RNLS: variants seen among roughly 807,000 people sequenced by gnomAD.
RNLS encodes the protein renalase.
A neutral mutation model predicts 39.8 loss-of-function variants in RNLS; 39 were observed. The ratio of observed to expected loss-of-function variants is 0.98; its 90% CI spans 0.76 to 1.28. The LOEUF (loss-of-function observed/expected upper bound fraction) is 1.28. Among genes scored for constraint, RNLS ranks in the 50% most tolerant of loss-of-function variants. The pLI is 0.00. For missense variants in RNLS, 410 were observed against 413.3 expected, an observed-to-expected ratio of 0.99 and a Z score of 0.07; for synonymous variants, 147 against 150.7, an observed-to-expected ratio of 0.98 and a Z score of 0.18.
chr10:88,203,869 ATATTAC>A, the RNLS span, among the ~76,000 whole-genome samples: 3 of 152,072 alleles, frequency 2.0e-5, no homozygotes, highest in East Asian at 3.8e-4. Flanking sequence ...ATCTATACTA[ATATTAC>A]TATTATCCAG....
At chr10:88,364,353 A>G (rs1450106238) in intron 4 of RNLS, among the ~76,000 whole-genome samples, 1 of 152,184 alleles carries the variant, frequency 6.6e-6, no homozygotes, top group African/African-American at 2.4e-5. Flanking sequence ...ATAAATTATT[A>G]TAGCACAGTA....
intron 6 of RNLS, 100 bp from the exon 7 acceptor site, chr10:88,285,606 A>G: frequency 9.9e-7 from 1 of 1,008,198 alleles, no homozygotes; most frequent in Non-Finnish European, 1.5e-6. Context: ...GGAGAAATCA[A>G]GATTTCTCAC....
the RNLS span, among the ~76,000 whole-genome samples, chr10:88,193,246 G>A: frequency 3.9e-5 from 6 of 152,274 alleles, no homozygotes; most frequent in East Asian, 1.9e-4. Flanking sequence ...CCCACAGAGC[G>A]AGTGTGTGCC....
intron 6 of RNLS, among the ~76,000 whole-genome samples, chr10:88,313,322 T>C (rs1389684649): frequency 6.6e-6 from 1 of 152,228 alleles, no homozygotes; most frequent in Admixed American, 6.5e-5. Flanking sequence ...GTGTAATATA[T>C]CTAGCTTCAA....
intron 4 of RNLS, among the ~76,000 whole-genome samples, chr10:88,408,755 A>G (rs1853459750): frequency 6.6e-6 from 1 of 152,072 alleles, no homozygotes; most frequent in African/African-American, 2.4e-5. Context: ...TTTCTCTATG[A>G]AAAGTTTGAT....
chr10:88,344,827 G>C (rs1848200981), intron 5 of RNLS, among the ~76,000 whole-genome samples: 1 of 152,032 alleles, frequency 6.6e-6, no homozygotes, highest in Admixed American at 6.6e-5. Context: ...TTATACTAAA[G>C]AATTCCCCTA....
intron 4 of RNLS, among the ~76,000 whole-genome samples, chr10:88,468,011 T>C (rs1226748574): frequency 6.6e-6 from 1 of 152,194 alleles, no homozygotes; most frequent in Non-Finnish European, 1.5e-5. Flanking sequence ...AAATACCCAC[T>C]GAAAATATGA....
the RNLS span, among the ~76,000 whole-genome samples, chr10:88,175,450 C>T: frequency 4.2e-4 from 64 of 152,142 alleles, no homozygotes; most frequent in Non-Finnish European, 1.8e-4. Flanking sequence ...TGTTTCTATT[C>T]TCATTGTTTC....
At chr10:88,291,924 A>G (rs1376224260) in intron 6 of RNLS, among the ~76,000 whole-genome samples, 1 of 152,114 alleles carries the variant, frequency 6.6e-6, no homozygotes, top group Non-Finnish European at 1.5e-5. Context: ...CTGTGTGAAA[A>G]TAAAATACAG....
chr10:88,506,774 T>C (rs1295991243), intron 4 of RNLS, among the ~76,000 whole-genome samples: 1 of 152,064 alleles, frequency 6.6e-6, no homozygotes, highest in African/African-American at 2.4e-5. Flanking sequence ...GTGAGTATTC[T>C]AAAAAACCAA....
chr10:88,380,288 T>C (rs1345324193), intron 4 of RNLS, among the ~76,000 whole-genome samples: 1 of 152,084 alleles, frequency 6.6e-6, no homozygotes, highest in Non-Finnish European at 1.5e-5. Context: ...AACCAGTTGC[T>C]TGCTAGGTAA....
chr10:88,455,818 T>C (rs530402920), intron 4 of RNLS, among the ~76,000 whole-genome samples: 2 of 152,310 alleles, frequency 1.3e-5, no homozygotes, highest in East Asian at 3.9e-4. Flanking sequence ...AGTGACTTGG[T>C]TATTTCCCAC....
intron 5 of RNLS, among the ~76,000 whole-genome samples, chr10:88,361,266 A>G (rs1849618433): frequency 6.6e-6 from 1 of 152,248 alleles, no homozygotes; most frequent in Admixed American, 6.5e-5. Flanking sequence ...TATTGGGATT[A>G]GGGCTTCAAC....
intron 4 of RNLS, among the ~76,000 whole-genome samples, chr10:88,561,460 T>A (rs1849184166): frequency 6.6e-6 from 1 of 152,032 alleles, no homozygotes; most frequent in Non-Finnish European, 1.5e-5. Context: ...AAAAATAATC[T>A]CTTATTAAAT....
chr10:88,324,928 C>G (rs12412006), intron 5 of RNLS, among the ~76,000 whole-genome samples: 1,587 of 152,298 alleles, frequency 0.01, 21 homozygotes, highest in Admixed American at 0.02. Flanking sequence ...GTTTATTTCA[C>G]TTAGCATGAT....
At chr10:88,248,496 G>C in the RNLS span, among the ~76,000 whole-genome samples, 1 of 152,190 alleles carries the variant, frequency 6.6e-6, no homozygotes, top group Non-Finnish European at 1.5e-5. Flanking sequence ...CCAAGATCAA[G>C]ACAAGGAGGG....
the RNLS span, among the ~76,000 whole-genome samples, chr10:88,239,639 G>A: frequency 5.3e-5 from 8 of 152,252 alleles, no homozygotes; most frequent in African/African-American, 1.9e-4. Flanking sequence ...CACTTTGGTA[G>A]TGGCCTTCCA....
At chr10:88,204,512 G>A in the RNLS span, among the ~76,000 whole-genome samples, 2 of 152,118 alleles carry the variant, frequency 1.3e-5, no homozygotes, top group Non-Finnish European at 1.5e-5. Flanking sequence ...CATTTGCAAA[G>A]TGCCAATTAG....
the RNLS span, among the ~76,000 whole-genome samples, chr10:88,193,006 G>T: frequency 6.6e-6 from 1 of 152,126 alleles, no homozygotes; most frequent in African/African-American, 2.4e-5. Flanking sequence ...TCCTGACATC[G>T]AAGTATAGTG....
Sources: allele counts gnomAD v4.1 joint callset (sites outside exome capture counted in the v4.1 genomes callset), GRCh38; gene constraint gnomAD v4.1.1; transcripts MANE v1.5; gene names NCBI Gene and HGNC (gene_info 2026-07-23, HGNC 2026-07-21).